CDIN1: variants seen among roughly 807,000 people sequenced by gnomAD.
The protein encoded by CDIN1 is CDAN1-interacting nuclease 1.
In CDIN1, 33 loss-of-function variants were observed where a neutral mutation model predicts 45.3. The ratio of observed to expected loss-of-function variants is 0.73; its 90% confidence interval spans 0.55 to 0.97. The LOEUF is 0.97. Ranked by LOEUF, CDIN1 falls within the 50% of genes least tolerant of loss-of-function variation. The pLI, the probability that CDIN1 is intolerant of heterozygous loss-of-function variation, is 0.00. For missense variants in CDIN1, 303 were observed against 339.4 expected, an observed-to-expected ratio of 0.89 and a Z score of 0.84; for synonymous variants, 118 against 124.4, an observed-to-expected ratio of 0.95 and a Z score of 0.34.
chr15:36,626,943 G>T, intron 1 of CDIN1: 1 of 194,408 alleles, frequency 5.1e-6, no homozygotes. Flanking sequence ...AGGTTCACAG[G>T]CTTGATGACC....
intron 10 of CDIN1, among the ~76,000 whole-genome samples, chr15:36,807,397 A>G (rs779492051): frequency 9.9e-5 from 15 of 152,186 alleles, no homozygotes; most frequent in Non-Finnish European, 1.9e-4. Flanking sequence ...ACTACACCAA[A>G]AGTAGTGCTG....
chr15:36,774,173 C>CGCGCGT (rs1390626131), intron 10 of CDIN1, among the ~76,000 whole-genome samples: 5 of 137,950 alleles, frequency 3.6e-5, no homozygotes, highest in Non-Finnish European at 7.4e-5. Context: ...TGCGCGCGCG[C>CGCGCGT]GCATGCATGA....
intron 3 of CDIN1, among the ~76,000 whole-genome samples, chr15:36,653,475 C>T (rs1225001893): frequency 1.3e-5 from 2 of 151,868 alleles, no homozygotes; most frequent in Non-Finnish European, 2.9e-5. Flanking sequence ...AAAAAATCCC[C>T]CCAGCTTCCA....
At chr15:36,762,454 A>G (rs2053791571) in intron 10 of CDIN1, among the ~76,000 whole-genome samples, 1 of 151,834 alleles carries the variant, frequency 6.6e-6, no homozygotes, top group Non-Finnish European at 1.5e-5. Flanking sequence ...TTGCCGAGGC[A>G]CCTCTGCCCC....
At chr15:36,713,358 A>T (rs2043120759) in intron 10 of CDIN1, among the ~76,000 whole-genome samples, 1 of 152,184 alleles carries the variant, frequency 6.6e-6, no homozygotes, top group Non-Finnish European at 1.5e-5. Flanking sequence ...CATTAGAGAC[A>T]TCTCTTTAAA....
At chr15:36,704,797 G>A (rs925508411) in intron 8 of CDIN1, 1 of 152,072 alleles carries the variant, frequency 6.6e-6, no homozygotes, top group Non-Finnish European at 1.5e-5. Flanking sequence ...TTCATTTTCA[G>A]ATGTTGTGAA....
At chr15:36,588,680 GTAT>G (rs201387106) in intron 1 of CDIN1, among the ~76,000 whole-genome samples, 166 of 151,726 alleles carry the variant, frequency 1.1e-3, no homozygotes, top group African/African-American at 1.4e-3. Context: ...ATTTTTTTCT[GTAT>G]TATTATTATT....
At chr15:36,729,666 G>T (rs2043769545) in intron 10 of CDIN1, among the ~76,000 whole-genome samples, 1 of 152,300 alleles carries the variant, frequency 6.6e-6, no homozygotes, top group Middle Eastern at 3.4e-3. Context: ...TTTTTAATTT[G>T]TCATGGATAG....
intron 10 of CDIN1, among the ~76,000 whole-genome samples, chr15:36,769,163 C>T (rs533864865): frequency 6.6e-6 from 1 of 152,234 alleles, no homozygotes; most frequent in African/African-American, 2.4e-5. Context: ...TTTATTACCC[C>T]AGAGGTAGTT....
chr15:36,745,277 TA>T (rs2044380889), intron 10 of CDIN1, among the ~76,000 whole-genome samples: 1 of 152,188 alleles, frequency 6.6e-6, no homozygotes, highest in South Asian at 2.1e-4. Flanking sequence ...AATTTGTCAT[TA>T]TTTTCCATTA....
chr15:36,797,342 T>G (rs2054836017), intron 10 of CDIN1, among the ~76,000 whole-genome samples: 1 of 152,228 alleles, frequency 6.6e-6, no homozygotes, highest in South Asian at 2.1e-4. Flanking sequence ...CAACCTTATC[T>G]TCTAGATAAA....
chr15:36,635,028 A>T (rs558328775), intron 1 of CDIN1, among the ~76,000 whole-genome samples: 11 of 152,206 alleles, frequency 7.2e-5, no homozygotes, highest in Non-Finnish European at 1.3e-4. Context: ...TGACAGCTTT[A>T]TAGGGCTAGA....
intron 10 of CDIN1, among the ~76,000 whole-genome samples, chr15:36,711,781 C>T (rs1214975595): frequency 6.6e-6 from 1 of 152,020 alleles, no homozygotes; most frequent in Non-Finnish European, 1.5e-5. Context: ...CTGATGTTAC[C>T]AAAGGTCTGC....
rs1200098175 is a variant in CDIN1, at chr15:36,808,417, C to T, written c.810C>T (p.Pro270=). ...GCATCCTGCTCAAAGCCTGTTTCCC[C>T]ACGAACATTGTCACCTTATGCCACA... The part of the protein sequence containing the change: ...ERGILLKACF[P]TNIVTLCHSI... The change falls in exon 11 of 11, where the codon CCC becomes CCT. Residue 270 remains proline, a synonymous_variant. Transcript: ENST00000566621. 4.3e-6 allele frequency: 7 copies of T among 1,613,412 alleles called. No individual in the cohort carries two copies. The Admixed American group carries it at 8.3e-5, about 19-fold the overall frequency.
At chr15:36,599,060 A>C (rs1394952997) in intron 1 of CDIN1, among the ~76,000 whole-genome samples, 1 of 143,010 alleles carries the variant, frequency 7.0e-6, no homozygotes, top group East Asian at 2.0e-4. Flanking sequence ...GCCTGTGCTT[A>C]TTTTTATGAT....
At chr15:36,751,229 T>TTTATATA (rs568110101) in intron 10 of CDIN1, among the ~76,000 whole-genome samples, 10 of 97,574 alleles carry the variant, frequency 1.0e-4, no homozygotes, top group Admixed American at 6.8e-4. Context: ...TATGCTTATT[T>TTTATATA]TATATATATA....
chr15:36,802,431 G>A (rs1172266969), intron 10 of CDIN1, among the ~76,000 whole-genome samples: 2 of 152,138 alleles, frequency 1.3e-5, no homozygotes, highest in Admixed American at 6.5e-5. Context: ...GGAAACCAAC[G>A]AGGGGTTATT....
intron 10 of CDIN1, among the ~76,000 whole-genome samples, chr15:36,788,273 C>T (rs1302096019): frequency 1.3e-5 from 2 of 151,572 alleles, no homozygotes; most frequent in Non-Finnish European, 2.9e-5. Context: ...TGCGCCACCA[C>T]ACCTGGCCAA....
intron 10 of CDIN1, chr15:36,756,165 C>T (rs1428524521): frequency 2.2e-6 from 1 of 455,618 alleles, no homozygotes; most frequent in Non-Finnish European, 4.4e-6. Flanking sequence ...AGTGGGGAAT[C>T]CTTAGTTGAA....
Sources: gnomAD v4.1 joint callset for allele counts (sites outside exome capture counted in the v4.1 genomes callset) on GRCh38, gnomAD v4.1.1 for gene constraint, MANE v1.5 for transcripts, NCBI Gene and HGNC (gene_info 2026-07-23, HGNC 2026-07-21) for gene names.